The following CCSER1 variants were observed in gnomAD, a reference collection of about 807,000 sequenced individuals.
The protein encoded by CCSER1 is serine-rich coiled-coil domain-containing protein 1.
CCSER1 carries 41 observed loss-of-function variants against 82.0 expected under a neutral mutation model. The observed-to-expected ratio is 0.50, with a 90% confidence interval of 0.39 to 0.65. The LOEUF (loss-of-function observed/expected upper bound fraction) is 0.65, where lower values mean the gene tolerates loss of function less well. Among genes scored for constraint, CCSER1 ranks in the 30% least tolerant of loss-of-function variants. The probability of loss-of-function intolerance (pLI) is 0.00; values close to 1 mark genes in which losing one functional copy is unlikely to be tolerated. For synonymous variants in CCSER1, 414 were observed against 383.9 expected (o/e 1.08, Z -0.92); for missense variants, 1,119 against 1,064.2 (o/e 1.05, Z -0.72).
At chr4:90,969,684 T>C (rs1734903236) in intron 9 of CCSER1, among the ~76,000 whole-genome samples, 1 of 151,960 alleles carries the variant, frequency 6.6e-6, no homozygotes, top group Non-Finnish European at 1.5e-5. Context: ...TAAAGGGAGT[T>C]CTTCAAGATG....
At chr4:91,382,283 C>T (rs536232270) in intron 10 of CCSER1, among the ~76,000 whole-genome samples, 63 of 152,262 alleles carry the variant, frequency 4.1e-4, no homozygotes, top group Admixed American at 9.2e-4. Context: ...GCCTTTTGTT[C>T]GGCTATGGCC....
At chr4:91,153,686 T>G (rs766693250) in intron 10 of CCSER1, among the ~76,000 whole-genome samples, 1 of 151,928 alleles carries the variant, frequency 6.6e-6, no homozygotes, top group East Asian at 1.9e-4. Flanking sequence ...CGATGGTGTT[T>G]TGGTGTGGAT....
At chr4:90,275,467 T>A (rs772797274) in intron 1 of CCSER1, among the ~76,000 whole-genome samples, 5 of 152,120 alleles carry the variant, frequency 3.3e-5, no homozygotes, top group Non-Finnish European at 4.4e-5. Context: ...TATAAAAAAA[T>A]GTTCAGAATG....
chr4:90,273,850 G>A (rs1727052523), intron 1 of CCSER1, among the ~76,000 whole-genome samples: 1 of 152,120 alleles, frequency 6.6e-6, no homozygotes, highest in Admixed American at 6.6e-5. Flanking sequence ...AGAAGCACCT[G>A]TGCATTCTTC....
At chr4:91,237,956 T>C (rs532619024) in intron 10 of CCSER1, among the ~76,000 whole-genome samples, 153 of 152,268 alleles carry the variant, frequency 1.0e-3, no homozygotes, top group African/African-American at 3.3e-3. Context: ...GATCAAAAAT[T>C]CTCTTTTGAA....
intron 10 of CCSER1, among the ~76,000 whole-genome samples, chr4:91,512,693 A>G (rs956793397): frequency 6.6e-6 from 1 of 152,118 alleles, no homozygotes; most frequent in Admixed American, 6.5e-5. Flanking sequence ...CCTTGATTAG[A>G]TGTATTCCTA....
chr4:91,565,513 G>C (rs2110266768), intron 10 of CCSER1, among the ~76,000 whole-genome samples: 1 of 152,160 alleles, frequency 6.6e-6, no homozygotes, highest in Middle Eastern at 3.4e-3. Context: ...TAAAGATATT[G>C]ATTCTTCCTA....
At chr4:90,641,523 T>G (rs542222771) in intron 6 of CCSER1, among the ~76,000 whole-genome samples, 1 of 152,282 alleles carries the variant, frequency 6.6e-6, no homozygotes, top group Admixed American at 6.5e-5. Context: ...AAAAACTCAC[T>G]TTCCAAGTGT....
At chr4:90,748,855 A>G (rs542399609) in intron 7 of CCSER1, among the ~76,000 whole-genome samples, 2 of 149,534 alleles carry the variant, frequency 1.3e-5, no homozygotes, top group South Asian at 4.3e-4. Context: ...GTGTCTGTTC[A>G]TGTCCTTTGC....
chr4:90,389,984 T>C (rs1056245122), intron 3 of CCSER1, among the ~76,000 whole-genome samples: 1 of 152,188 alleles, frequency 6.6e-6, no homozygotes, highest in African/African-American at 2.4e-5. Context: ...ACCTATTATA[T>C]GTATTGTAAA....
rs557655271 is a variant in CCSER1, at chr4:91,563,841, A to G, written c.2218-34731A>G. Among the ~76,000 whole-genome samples the G allele has an allele frequency of 1.1e-3, 163 of 151,980 alleles. 1 individual carries two copies. The highest frequency in any genetic ancestry group is 3.9e-3 in the African/African-American group (160 of 41,532). ...CCTGTTGGAACTAATAAGCAAATTC[A>G]GTAGGATGCTGGATGCAAAATAAGC... On this transcript the variant is annotated intron_variant, in intron 10 of 10. Coordinates refer to ENST00000509176, the MANE Select transcript of CCSER1 (RefSeq NM_001145065.2).
chr4:91,180,137 C>A (rs1733855593), intron 10 of CCSER1, among the ~76,000 whole-genome samples: 1 of 152,208 alleles, frequency 6.6e-6, no homozygotes, highest in South Asian at 2.1e-4. Flanking sequence ...TATTGCAGAA[C>A]AGCAGTTGTT....
intron 10 of CCSER1, among the ~76,000 whole-genome samples, chr4:91,414,672 C>T (rs1753247124): frequency 6.6e-6 from 1 of 152,062 alleles, no homozygotes; most frequent in Non-Finnish European, 1.5e-5. Context: ...CTATGAGAGA[C>T]CAACTTTAGC....
chr4:90,802,789 A>G (rs551420593), intron 7 of CCSER1, among the ~76,000 whole-genome samples: 9 of 152,190 alleles, frequency 5.9e-5, no homozygotes, highest in Non-Finnish European at 7.3e-5. Flanking sequence ...CATAAGAATT[A>G]TATGAGGTCA....
intron 5 of CCSER1, among the ~76,000 whole-genome samples, chr4:90,503,849 T>C (rs1770297457): frequency 6.6e-6 from 1 of 152,096 alleles, no homozygotes; most frequent in Non-Finnish European, 1.5e-5. Context: ...GCTCCCTTTT[T>C]ATAAACCTTA....
intron 4 of CCSER1, among the ~76,000 whole-genome samples, chr4:90,455,144 A>G (rs1192731708): frequency 6.6e-6 from 1 of 152,228 alleles, no homozygotes; most frequent in Non-Finnish European, 1.5e-5. Context: ...CAAGGCAAAG[A>G]AAGTCTGCAC....
rs140485900 is a variant in CCSER1, at chr4:90,988,604, G to C, written c.2172+65157G>C. 2.4e-3 allele frequency among the ~76,000 whole-genome samples: 359 copies of C among 151,776 alleles called. 6 individuals are homozygous for C. Among genetic ancestry groups the C allele is most frequent in the East Asian group, 7.2e-3 (37 of 5,148 alleles). ...TGATGTTTCTAAAATTTATGTGTCT[G>C]TGTTATGGGAGGGGTTCCACTAATA... On this transcript the variant is annotated intron_variant, in intron 9 of 10. Transcript: ENST00000509176.
intron 7 of CCSER1, among the ~76,000 whole-genome samples, chr4:90,763,246 G>A (rs1750674332): frequency 1.3e-5 from 2 of 152,046 alleles, no homozygotes; most frequent in Middle Eastern, 3.4e-3. Flanking sequence ...CACCTATTGA[G>A]TACCTTAAAT....
At chr4:90,506,429 A>G (rs1203813933) in intron 5 of CCSER1, among the ~76,000 whole-genome samples, 1 of 152,146 alleles carries the variant, frequency 6.6e-6, no homozygotes, top group Non-Finnish European at 1.5e-5. Context: ...TTCAACTCAC[A>G]TTTTTTAATT....
Sources: allele counts gnomAD v4.1 joint callset (sites outside exome capture counted in the v4.1 genomes callset), GRCh38; gene constraint gnomAD v4.1.1; transcripts MANE v1.5; gene names NCBI Gene and HGNC (gene_info 2026-07-23, HGNC 2026-07-21).